Variants in ZBTB7C observed in about 807,000 individuals in gnomAD.
The protein encoded by ZBTB7C is zinc finger and BTB domain-containing protein 7C.
In ZBTB7C, 8 loss-of-function variants were observed where a neutral mutation model predicts 25.7. That is an observed-to-expected ratio of 0.31 (90% CI 0.18 to 0.56). The LOEUF is 0.56. Among genes scored for constraint, ZBTB7C ranks in the 20% least tolerant of loss-of-function variants. ZBTB7C has a pLI of 0.91. For synonymous variants in ZBTB7C, 394 were observed against 369.0 expected, an observed-to-expected ratio of 1.07 and a Z score of -0.78; for missense variants, 824 against 855.2, an observed-to-expected ratio of 0.96 and a Z score of 0.46.
At chr18:48,193,582 T>C (rs1397986400) in intron 2 of ZBTB7C, among the ~76,000 whole-genome samples, 3 of 152,086 alleles carry the variant, frequency 2.0e-5, no homozygotes, top group African/African-American at 7.2e-5. Context: ...GGAGAAACCT[T>C]GTGTTTGTTA....
intron 2 of ZBTB7C, among the ~76,000 whole-genome samples, chr18:48,187,820 C>CAAAAAAA (rs919402026): frequency 2.7e-5 from 2 of 73,352 alleles, no homozygotes; most frequent in African/African-American, 5.1e-5. Flanking sequence ...GACCCCGTCT[C>CAAAAAAA]AAAAAAAAAA....
At chr18:48,263,025 C>T (rs1299147209) in intron 2 of ZBTB7C, among the ~76,000 whole-genome samples, 5 of 152,234 alleles carry the variant, frequency 3.3e-5, no homozygotes, top group Admixed American at 3.3e-4. Flanking sequence ...CCAGGTTGCT[C>T]ATAACATGAG....
chr18:48,253,025 T>A (rs925803559), intron 2 of ZBTB7C, among the ~76,000 whole-genome samples: 2 of 152,040 alleles, frequency 1.3e-5, no homozygotes, highest in African/African-American at 2.4e-5. Context: ...TATAGACCTA[T>A]AGAATAGAGA....
chr18:48,231,454 G>C lies in ZBTB7C; in HGVS notation c.-78-45459C>G, dbSNP rs567674247. ...AATAATAGGATGAACTGCCTGCAGA[G>C]AGCAGTTACCCACTGTGGGTCTCCT... On this transcript the variant is annotated intron_variant, in intron 2 of 4. Coordinates refer to ENST00000590800, the MANE Select transcript of ZBTB7C (RefSeq NM_001318841.2). Among the ~76,000 whole-genome samples the C allele has an allele frequency of 2.0e-5, 3 of 152,222 alleles. No homozygotes were observed. The South Asian group carries it at 6.2e-4, about 32-fold the overall frequency.
At chr18:48,150,776 G>C (rs2040652590) in intron 3 of ZBTB7C, 1 of 152,094 alleles carries the variant, frequency 6.6e-6, no homozygotes, top group Non-Finnish European at 1.5e-5. Flanking sequence ...TGAGTTCTAG[G>C]ACAAATGCAA....
At chr18:48,073,149 G>A (rs1237542195) in intron 3 of ZBTB7C, among the ~76,000 whole-genome samples, 2 of 152,188 alleles carry the variant, frequency 1.3e-5, no homozygotes, top group Non-Finnish European at 2.9e-5. Context: ...GCAGCTGCAC[G>A]TCGCAATTAA....
intron 3 of ZBTB7C, among the ~76,000 whole-genome samples, chr18:48,045,213 TG>T (rs2036421298): frequency 6.6e-6 from 1 of 152,220 alleles, no homozygotes; most frequent in African/African-American, 2.4e-5. Context: ...CAGGCAGGCT[TG>T]GCCAGCCTCA....
chr18:48,125,202 A>C (rs2039761607), intron 3 of ZBTB7C, among the ~76,000 whole-genome samples: 1 of 152,246 alleles, frequency 6.6e-6, no homozygotes, highest in Non-Finnish European at 1.5e-5. Context: ...TGGGACTCAG[A>C]AGTTCCAAGT....
intron 2 of ZBTB7C, among the ~76,000 whole-genome samples, chr18:48,278,784 A>G (rs918143570): frequency 8.9e-4 from 136 of 152,220 alleles, no homozygotes; most frequent in African/African-American, 3.1e-3. Context: ...TTAAGCCAGT[A>G]TATTTAGGGC....
chr18:48,033,071 C>G (rs1005825036), intron 4 of ZBTB7C, among the ~76,000 whole-genome samples: 3 of 152,212 alleles, frequency 2.0e-5, no homozygotes, highest in African/African-American at 7.2e-5. Context: ...AGACCCACCA[C>G]CAACTTGCTG....
At chr18:48,175,511 A>C (rs2041641467) in intron 3 of ZBTB7C, among the ~76,000 whole-genome samples, 1 of 152,226 alleles carries the variant, frequency 6.6e-6, no homozygotes, top group Non-Finnish European at 1.5e-5. Context: ...GTGTATGTGC[A>C]TGTGTATGGG....
At chr18:48,342,425 G>C (rs896984371) in intron 1 of ZBTB7C, among the ~76,000 whole-genome samples, 3 of 152,204 alleles carry the variant, frequency 2.0e-5, no homozygotes, top group African/African-American at 7.2e-5. Context: ...AGGAGGGACA[G>C]GGCTGGGGGC....
At chr18:48,385,472 C>T (rs2047727022) in intron 1 of ZBTB7C, among the ~76,000 whole-genome samples, 1 of 152,104 alleles carries the variant, frequency 6.6e-6, no homozygotes, top group African/African-American at 2.4e-5. Context: ...TATGCCCAGC[C>T]CAGCCATGAC....
intron 3 of ZBTB7C, among the ~76,000 whole-genome samples, chr18:48,151,273 G>A (rs980359350): frequency 2.6e-4 from 39 of 152,084 alleles, no homozygotes; most frequent in Admixed American, 2.1e-3. Context: ...ATACTTAACC[G>A]CTCCTCTACT....
rs144600223 is a variant in ZBTB7C at position 48,335,010 on chromosome 18, G to C, written c.-79+3164C>G. Among the ~76,000 whole-genome samples, 818 of 152,310 alleles carry C rather than the reference G, an allele frequency of 5.4e-3. 5 individuals carry two copies. Among genetic ancestry groups the C allele is most frequent in the African/African-American group, 0.019 (792 of 41,568 alleles). The stretch of plus-strand genomic sequence containing the variant: ...TCTAGCTTCCCCTGTGGCAGAGCTG[G>C]CATAGATAGAGCACCAGCTGGCTGC... On this transcript the variant is annotated intron_variant, in intron 2 of 4. Transcript: ENST00000590800.
rs529618505 is a variant in ZBTB7C, at chr18:48,304,231, G to A, written c.-79+33943C>T. ...TTATGAGGGGTACCTTGCACCTGGT[G>A]TACCCCCAATCACAAAACAGGGATA... On this transcript the variant is annotated intron_variant, in intron 2 of 4. Transcript: ENST00000590800. 4.6e-4 allele frequency among the ~76,000 whole-genome samples: 70 copies of A among 152,324 alleles called. 1 individual carries two copies. The highest frequency in any genetic ancestry group is 1.6e-3 in the African/African-American group (67 of 41,574).
chr18:48,098,337 G>A (rs1360022635), intron 3 of ZBTB7C, among the ~76,000 whole-genome samples: 3 of 152,114 alleles, frequency 2.0e-5, no homozygotes, highest in Admixed American at 6.5e-5. Context: ...CATTTTACCC[G>A]GCTGACTCTG....
chr18:48,117,178 C>T (rs560958909), intron 3 of ZBTB7C, among the ~76,000 whole-genome samples: 1 of 152,180 alleles, frequency 6.6e-6, no homozygotes, highest in African/African-American at 2.4e-5. Flanking sequence ...ACCAGTCCCT[C>T]CGTGGACAAA....
intron 1 of ZBTB7C, among the ~76,000 whole-genome samples, chr18:48,375,307 G>A (rs1223739843): frequency 6.6e-6 from 1 of 152,204 alleles, no homozygotes; most frequent in Non-Finnish European, 1.5e-5. Flanking sequence ...CCCTTGGGCA[G>A]TAAGGACTCC....
Sources: allele counts gnomAD v4.1 joint callset (sites outside exome capture counted in the v4.1 genomes callset), GRCh38; gene constraint gnomAD v4.1.1; transcripts MANE v1.5; gene names NCBI Gene and HGNC (gene_info 2026-07-23, HGNC 2026-07-21).